ABCC4: variants seen among roughly 807,000 people sequenced by gnomAD.
The protein encoded by ABCC4 is ATP binding cassette subfamily C member 4 (PEL blood group).
In ABCC4, 102 loss-of-function variants were observed where a neutral mutation model predicts 168.5. The ratio of observed to expected loss-of-function variants is 0.61; its 90% CI spans 0.52 to 0.71. The LOEUF is 0.71. Among genes scored for constraint, ABCC4 ranks in the 30% least tolerant of loss-of-function variants. The pLI is 0.00. For missense variants in ABCC4, 1,402 were observed against 1,605.8 expected (o/e 0.87, Z 2.17); for synonymous variants, 617 against 590.7 (o/e 1.04, Z -0.65).
At chr13:95,035,566 G>A (rs2032086141) in intron 29 of ABCC4, among the ~76,000 whole-genome samples, 1 of 152,172 alleles carries the variant, frequency 6.6e-6, no homozygotes, top group African/African-American at 2.4e-5. Context: ...CTGAATATCT[G>A]TTTTCCCAAT....
rs547841218 is a variant in ABCC4, at chr13:95,226,877, T to C, written c.531+7733A>G. On this transcript the variant is annotated intron_variant, in intron 4 of 30. Coordinates refer to ENST00000645237, the MANE Select transcript of ABCC4 (RefSeq NM_005845.5). ...TGAGGGGGATTAAACCCGCAACCCA[T>C]ATGCTATCTCTGTGAACTGGAAGGT... Among the ~76,000 whole-genome samples, 3 of 152,318 alleles carry C rather than the reference T, an allele frequency of 2.0e-5. No individual in the cohort carries two copies. The South Asian group carries it at 6.2e-4, about 32-fold the overall frequency.
chr13:95,165,382 A>T (rs1040306926), intron 15 of ABCC4, among the ~76,000 whole-genome samples: 1 of 152,172 alleles, frequency 6.6e-6, no homozygotes, highest in Non-Finnish European at 1.5e-5. Flanking sequence ...TGAGGGCCTA[A>T]TCTGAATATC....
intron 19 of ABCC4, among the ~76,000 whole-genome samples, chr13:95,156,064 A>G (rs1206347460): frequency 6.6e-6 from 1 of 152,252 alleles, no homozygotes; most frequent in Non-Finnish European, 1.5e-5. Context: ...ATCATAATGT[A>G]TGCTTCAGGA....
At chr13:95,027,688 T>C (rs1350171431) in intron 30 of ABCC4, among the ~76,000 whole-genome samples, 2 of 152,068 alleles carry the variant, frequency 1.3e-5, no homozygotes, top group Non-Finnish European at 2.9e-5. Flanking sequence ...TTGTTTATAA[T>C]GGGGAGTCAA....
At chr13:95,090,075 C>T (rs1192969585) in intron 20 of ABCC4, among the ~76,000 whole-genome samples, 1 of 152,118 alleles carries the variant, frequency 6.6e-6, no homozygotes, top group Admixed American at 6.5e-5. Flanking sequence ...TGGACTGCTA[C>T]TGCAGGACCT....
At chr13:95,042,862 C>T (rs1016299246) in intron 29 of ABCC4, among the ~76,000 whole-genome samples, 1 of 152,180 alleles carries the variant, frequency 6.6e-6, no homozygotes, top group Admixed American at 6.5e-5. Context: ...ATCACCAATG[C>T]GGTAACAGCA....
In ABCC4 at chr13:95,249,229, AAAG is replaced by A. The variant is rs60651392; in HGVS notation, c.75-1479_75-1477del. ...GCAAGGCTTTGTCTAAAAAAAAAAA[AAAG>A]AAGAAGAAACATATTTGTGCCCTAT... On this transcript the variant is annotated intron_variant, in intron 1 of 30. Transcript: ENST00000645237. Among the ~76,000 whole-genome samples the A allele has an allele frequency of 4.7e-5, 7 of 148,598 alleles. No homozygotes were observed. The South Asian group carries it at 8.5e-4, about 18-fold the overall frequency.
intron 4 of ABCC4, among the ~76,000 whole-genome samples, chr13:95,230,803 C>A (rs2039598059): frequency 6.6e-6 from 1 of 152,050 alleles, no homozygotes; most frequent in African/African-American, 2.4e-5. Context: ...AAACTAAATG[C>A]AAGGACTCAA....
intron 1 of ABCC4, among the ~76,000 whole-genome samples, chr13:95,299,564 G>C (rs578185205): frequency 6.6e-6 from 1 of 151,642 alleles, no homozygotes; most frequent in Admixed American, 6.6e-5. Flanking sequence ...TTTTTTTTGC[G>C]ATTTTTTTTT....
At chr13:95,038,003 C>A (rs769932065) in intron 29 of ABCC4, among the ~76,000 whole-genome samples, 1 of 152,038 alleles carries the variant, frequency 6.6e-6, no homozygotes, top group Admixed American at 6.6e-5. Flanking sequence ...TACAGGTGCA[C>A]GCCGCCAAAG....
At position 95,138,643 on chromosome 13, in the gene ABCC4, G is replaced by A. The variant is rs551621052; in HGVS notation, c.2455+22546C>T. Among the ~76,000 whole-genome samples, 310 of 152,098 alleles carry A rather than the reference G, an allele frequency of 2.0e-3. 1 individual carries two copies. Among genetic ancestry groups the A allele is most frequent in the Non-Finnish European group, 2.6e-3 (180 of 67,990 alleles). Reference sequence around the variant, plus strand: ...GTTCAAGACCAGCCTGGGAAAAATCGTGAGATCCTGATTCTAAAAAAAAAA... The same window carrying A: ...GTTCAAGACCAGCCTGGGAAAAATCATGAGATCCTGATTCTAAAAAAAAAA... On this transcript the variant is annotated intron_variant, in intron 19 of 30. Transcript: ENST00000645237.
chr13:95,032,458 G>T (rs187911397), intron 30 of ABCC4, among the ~76,000 whole-genome samples: 1 of 152,160 alleles, frequency 6.6e-6, no homozygotes, highest in Non-Finnish European at 1.5e-5. Flanking sequence ...AGTGCCCAGC[G>T]TAATACTGTG....
At chr13:95,022,194 G>A (rs890262062) in intron 30 of ABCC4, among the ~76,000 whole-genome samples, 2 of 152,196 alleles carry the variant, frequency 1.3e-5, no homozygotes, top group South Asian at 2.1e-4. Context: ...GTGCGGCAAA[G>A]CAGTTATAGG....
rs1287485898 is a variant in ABCC4, at chr13:95,232,113, C to T, written c.531+2497G>A. On this transcript the variant is annotated intron_variant, in intron 4 of 30. Coordinates refer to ENST00000645237, the MANE Select transcript of ABCC4 (RefSeq NM_005845.5). ...AATAACACAGATGATGATGATGCTGCTGCTGCTGATGATGATGGTGGTGGT... is the reference window on the plus strand; with the variant it reads ...AATAACACAGATGATGATGATGCTGTTGCTGCTGATGATGATGGTGGTGGT... Among the ~76,000 whole-genome samples the T allele has an allele frequency of 2.8e-5, 3 of 107,878 alleles. No individual in the cohort carries two copies. In the East Asian group the frequency reaches 7.4e-4, roughly 27 times the overall value. 70.8% of individuals were successfully genotyped at this position (107,878 alleles called of 152,430 possible). A position where few individuals can be genotyped will look rare whatever the true frequency, so the allele number is the denominator to read the frequency against.
At chr13:95,287,812 G>C (rs1438393694) in intron 1 of ABCC4, among the ~76,000 whole-genome samples, 1 of 151,742 alleles carries the variant, frequency 6.6e-6, no homozygotes, top group Non-Finnish European at 1.5e-5. Flanking sequence ...GGAGGCCAAG[G>C]CTGGCAGATC....
chr13:95,089,565 C>A (rs1007467265), intron 20 of ABCC4, among the ~76,000 whole-genome samples: 28 of 152,186 alleles, frequency 1.8e-4, no homozygotes, highest in Non-Finnish European at 3.5e-4. Context: ...CACGCCACTG[C>A]ACTCCAGCTT....
At chr13:95,034,358 T>C (rs1457799839) in intron 30 of ABCC4, among the ~76,000 whole-genome samples, 1 of 152,218 alleles carries the variant, frequency 6.6e-6, no homozygotes, top group Admixed American at 6.5e-5. Context: ...TCTCCGCTTC[T>C]TGGGCACACG....
chr13:95,274,073 T>C (rs2040912408), intron 1 of ABCC4, among the ~76,000 whole-genome samples: 1 of 152,148 alleles, frequency 6.6e-6, no homozygotes, highest in Non-Finnish European at 1.5e-5. Flanking sequence ...TCTTCTTTTG[T>C]AAATTGCCCA....
intron 9 of ABCC4, among the ~76,000 whole-genome samples, chr13:95,190,056 T>A (rs1012793841): frequency 2.0e-5 from 3 of 152,012 alleles, no homozygotes; most frequent in Non-Finnish European, 4.4e-5. Context: ...AAAAAAGTTG[T>A]TTTAGGCAGG....
Sources: gnomAD v4.1 joint callset for allele counts (sites outside exome capture counted in the v4.1 genomes callset) on GRCh38, gnomAD v4.1.1 for gene constraint, MANE v1.5 for transcripts, NCBI Gene and HGNC (gene_info 2026-07-23, HGNC 2026-07-21) for gene names.